Variants in SEPTIN10 observed in about 807,000 individuals in gnomAD.
SEPTIN10 encodes the protein septin-10.
A neutral mutation model predicts 54.8 loss-of-function variants in SEPTIN10; 66 were observed. The observed-to-expected ratio is 1.21, with a 90% CI of 0.99 to 1.48. SEPTIN10 has a LOEUF of 1.48. Ranked by LOEUF, SEPTIN10 falls within the 40% of genes most tolerant of loss-of-function variation. The pLI is 0.00. For synonymous variants in SEPTIN10, 161 were observed against 181.0 expected, an observed-to-expected ratio of 0.89 and a Z score of 0.89; for missense variants, 620 against 545.6, an observed-to-expected ratio of 1.14 and a Z score of -1.36.
intron 6 of SEPTIN10, among the ~76,000 whole-genome samples, chr2:109,566,436 C>T (rs995173933): frequency 1.3e-5 from 2 of 151,996 alleles, no homozygotes; most frequent in African/African-American, 2.4e-5. Context: ...GCCACCACAC[C>T]TGGCCGAAAA....
At chr2:109,590,009 CATAT>C (rs368882798) in intron 2 of SEPTIN10, among the ~76,000 whole-genome samples, 1 of 149,312 alleles carries the variant, frequency 6.7e-6, no homozygotes, top group African/African-American at 2.5e-5. Flanking sequence ...TTCACATAAT[CATAT>C]ATATATATAC....
rs763893384 is a variant in SEPTIN10 at position 109,595,289 on chromosome 2, C to T, written c.31-2170G>A. On this transcript the variant is annotated intron_variant, in intron 1 of 10. Coordinates refer to ENST00000397712, the MANE Select transcript of SEPTIN10 (RefSeq NM_144710.5). ...CGCAAAAGCTCAGTGAGGGACACAA[C>T]GGTTCTGATTGTGTTTTTACAATCT... Among the ~76,000 whole-genome samples, 52 of 152,290 alleles carry T rather than the reference C, an allele frequency of 3.4e-4. 1 individual carries two copies. Among genetic ancestry groups the T allele is most frequent in the South Asian group, 4.1e-4 (2 of 4,820 alleles).
At chr2:109,591,515 C>T (rs1350140373) in intron 2 of SEPTIN10, among the ~76,000 whole-genome samples, 1 of 152,134 alleles carries the variant, frequency 6.6e-6, no homozygotes, top group South Asian at 2.1e-4. Flanking sequence ...ATGGAATAGA[C>T]TGTTAGTACC....
intron 1 of SEPTIN10, among the ~76,000 whole-genome samples, chr2:109,596,499 C>T (rs908319233): frequency 1.3e-5 from 2 of 151,970 alleles, no homozygotes; most frequent in Non-Finnish European, 2.9e-5. Context: ...CACCTGTAGT[C>T]CCAGCTACTC....
Position 109,580,442 on chromosome 2 carries a change from T to C in SEPTIN10, c.413+4684A>G, listed in dbSNP as rs529889240. On this transcript the variant is annotated intron_variant, in intron 4 of 10. Transcript: ENST00000397712. ...AATATAAAGGAATTTCTTTATTTTA[T>C]CTAAAACAAAACCCAAAACCAACCA... Among the ~76,000 whole-genome samples the C allele has an allele frequency of 4.6e-5, 7 of 150,576 alleles. No homozygotes were observed. In the South Asian group the frequency reaches 1.5e-3, roughly 31 times the overall value.
chr2:109,555,101 T>C (rs1336341423), intron 8 of SEPTIN10, among the ~76,000 whole-genome samples: 2 of 152,122 alleles, frequency 1.3e-5, no homozygotes, highest in Non-Finnish European at 1.5e-5. Context: ...AGTTCCTCTT[T>C]CTTTCACTTT....
At chr2:109,595,200 A>C (rs1332347567) in intron 1 of SEPTIN10, among the ~76,000 whole-genome samples, 1 of 152,114 alleles carries the variant, frequency 6.6e-6, no homozygotes, top group East Asian at 1.9e-4. Flanking sequence ...AGTGTTTTCA[A>C]ATCCTAAGTT....
chr2:109,571,578 T>C (rs999590957), intron 5 of SEPTIN10, among the ~76,000 whole-genome samples: 6 of 152,280 alleles, frequency 3.9e-5, no homozygotes, highest in Middle Eastern at 3.4e-3. Context: ...TATAATACAG[T>C]ACAGTAAAAA....
intron 1 of SEPTIN10, among the ~76,000 whole-genome samples, chr2:109,603,759 GAAGA>G (rs1210785551): frequency 1.3e-5 from 2 of 152,164 alleles, no homozygotes; most frequent in East Asian, 3.8e-4. Flanking sequence ...GAGACTTGAT[GAAGA>G]AACAGGAAAT....
At position 109,590,067 on chromosome 2, in the gene SEPTIN10, CACACACATATATATGTATATATAT is replaced by C. The variant is rs1693618375; in HGVS notation, c.99+2960_99+2983del. Among the ~76,000 whole-genome samples, 5 of 144,794 alleles carry C rather than the reference CACACACATATATATGTATATATAT, an allele frequency of 3.5e-5. No individual in the cohort carries two copies. The South Asian group carries it at 1.3e-3, about 36-fold the overall frequency. 95.0% of individuals were successfully genotyped at this position (144,794 alleles called of 152,430 possible). On this transcript the variant is annotated intron_variant, in intron 2 of 10. Coordinates refer to ENST00000397712, the MANE Select transcript of SEPTIN10 (RefSeq NM_144710.5). ...ATATATATGTGTGTGTATATATATACACACACATATATATGTATATATATACACACATATATATGTATGTATATA... is the reference window on the plus strand; with the variant it reads ...ATATATATGTGTGTGTATATATATACACACACATATATATGTATGTATATA...
At position 109,544,150 on chromosome 2, in the gene SEPTIN10, T is replaced by C. The variant is rs1445214552; in HGVS notation, c.*159A>G. ...TTCACTCTGGCTTATGTATTGACCTTGTACTTGAAAGTACTTTTCCATAAA... is the reference window on the plus strand; with the variant it reads ...TTCACTCTGGCTTATGTATTGACCTCGTACTTGAAAGTACTTTTCCATAAA... On this transcript the variant is annotated 3_prime_UTR_variant, in exon 11 of 11. Coordinates refer to ENST00000397712, the MANE Select transcript of SEPTIN10 (RefSeq NM_144710.5). 1 of 1,551,306 alleles carries C rather than the reference T, an allele frequency of 6.4e-7. No individual in the cohort carries two copies. The highest frequency in any genetic ancestry group is 1.4e-5 in the African/African-American group (1 of 73,484).
At chr2:109,570,092 T>C (rs1688010772) in intron 5 of SEPTIN10, among the ~76,000 whole-genome samples, 1 of 152,204 alleles carries the variant, frequency 6.6e-6, no homozygotes, top group Admixed American at 6.5e-5. Context: ...CATATCCTAG[T>C]TTTTCTTTTA....
At chr2:109,598,552 T>C (rs1695832163) in intron 1 of SEPTIN10, among the ~76,000 whole-genome samples, 1 of 152,010 alleles carries the variant, frequency 6.6e-6, no homozygotes, top group East Asian at 1.9e-4. Context: ...TAAATAATTA[T>C]CATCGGGAGG....
At chr2:109,572,531 A>G (rs1393742649) in intron 5 of SEPTIN10, among the ~76,000 whole-genome samples, 1 of 151,820 alleles carries the variant, frequency 6.6e-6, no homozygotes, top group Non-Finnish European at 1.5e-5. Context: ...GCAGTTCAGC[A>G]TGACAGCCAT....
chr2:109,610,095 G>GTTTTTTTTTT lies in SEPTIN10; in HGVS notation c.30+3693_30+3702dup, dbSNP rs554268137. Among the ~76,000 whole-genome samples, 109 of 143,450 alleles carry GTTTTTTTTTT rather than the reference G, an allele frequency of 7.6e-4. 1 individual carries two copies. Among genetic ancestry groups the GTTTTTTTTTT allele is most frequent in the African/African-American group, 2.7e-3 (105 of 38,548 alleles). The allele number at this position is 143,450 out of a possible 152,430, so 94.1% of individuals were successfully genotyped here. A position where few individuals can be genotyped will look rare whatever the true frequency, so the allele number is the denominator to read the frequency against. On this transcript the variant is annotated intron_variant, in intron 1 of 10. Transcript: ENST00000397712. Reference sequence around the variant, plus strand: ...GCGAGACACTAAACTTCCCTGAGGTGTTTTTTTTTTTTTAGACAGAGTCTC... The same window carrying GTTTTTTTTTT: ...GCGAGACACTAAACTTCCCTGAGGTGTTTTTTTTTTTTTTTTTTTTTTTAGACAGAGTCTC...
chr2:109,581,468 T>A (rs1018726497), intron 4 of SEPTIN10, among the ~76,000 whole-genome samples: 43 of 151,874 alleles, frequency 2.8e-4, no homozygotes, highest in African/African-American at 9.9e-4. Flanking sequence ...CAGTAAAGTT[T>A]ATTCTATGTA....
chr2:109,572,362 T>A (rs903889280), intron 5 of SEPTIN10, among the ~76,000 whole-genome samples: 1 of 152,188 alleles, frequency 6.6e-6, no homozygotes, highest in Non-Finnish European at 1.5e-5. Flanking sequence ...CTCGATCTCC[T>A]GACCTTGTGA....
At chr2:109,555,848 C>T (rs1000338111) in intron 8 of SEPTIN10, among the ~76,000 whole-genome samples, 1 of 152,202 alleles carries the variant, frequency 6.6e-6, no homozygotes, top group African/African-American at 2.4e-5. Flanking sequence ...TCCTTTAAAA[C>T]AGTTTCTTGT....
intron 1 of SEPTIN10, among the ~76,000 whole-genome samples, chr2:109,601,222 T>C (rs905323707): frequency 6.6e-6 from 1 of 152,206 alleles, no homozygotes; most frequent in Non-Finnish European, 1.5e-5. Flanking sequence ...TGCCTTGTTC[T>C]TTCTGGTGAC....
Sources: gnomAD v4.1 joint callset for allele counts (sites outside exome capture counted in the v4.1 genomes callset) on GRCh38, gnomAD v4.1.1 for gene constraint, MANE v1.5 for transcripts, NCBI Gene and HGNC (gene_info 2026-07-23, HGNC 2026-07-21) for gene names.